The following CDK12 variants were observed in gnomAD, a reference collection of about 807,000 sequenced individuals.
CDK12 encodes the protein cyclin-dependent kinase 12.
Under a neutral mutation model 133.8 loss-of-function variants are expected in CDK12, and 17 were observed. That is an observed-to-expected ratio of 0.13 (90% CI 0.09 to 0.19). CDK12 has a LOEUF of 0.19. Ranked by LOEUF, CDK12 falls within the 10% of genes least tolerant of loss-of-function variation. CDK12 has a pLI of 1.00. For synonymous variants in CDK12, 694 were observed against 683.6 expected, an observed-to-expected ratio of 1.02 and a Z score of -0.24; for missense variants, 1,508 against 1,818.7, an observed-to-expected ratio of 0.83 and a Z score of 3.11.
At chr17:39,534,724 G>A (rs1013228438), downstream of CDK12, 2 of 188,322 alleles carry the variant, frequency 1.1e-5, no homozygotes, top group Admixed American at 6.2e-5. Context: ...GCTTGAAAAC[G>A]CTAGACTAGG....
At position 39,482,015 on chromosome 17, in the gene CDK12, C is replaced by CATTTTTT. The variant is rs773073791; in HGVS notation, c.1932-8542_1932-8541insATTTTTT. 7.1e-4 allele frequency among the ~76,000 whole-genome samples: 68 copies of CATTTTTT among 96,252 alleles called. 11 individuals carry two copies. The East Asian group carries it at 0.018, about 26-fold the overall frequency. 63.1% of individuals were successfully genotyped at this position (96,252 alleles called of 152,430 possible). ...GATTACAGGCATGAGCCTGGCTTGC[C>CATTTTTT]TTTTTTTTTTTTTTTTAACAGAGTT... On this transcript the variant is annotated intron_variant, in intron 2 of 13. Transcript: ENST00000447079.
chr17:39,471,628 C>G lies in CDK12; in HGVS notation c.1796C>G (p.Ala599Gly). The G allele has an allele frequency of 5.0e-6, 8 of 1,614,134 alleles. No homozygotes were observed. The highest frequency in any genetic ancestry group is 5.1e-6 in the Non-Finnish European group (6 of 1,180,028). Residue 599 changes from alanine (A) to glycine (G), a missense_variant, in exon 2 of 14, where the codon GCA (alanine) becomes GGA (glycine). This residue lies in a region of CDK12 where 347 missense variants were observed against 330.8 expected (regional missense o/e 1.05). Transcript: ENST00000447079. ...AAGACATCTGCTGTGTCCTCTCAGG[C>G]AAATTCTCAGCCCCCTGTACAGGTT... is the stretch of plus-strand genomic sequence containing the variant. ...HSKTSAVSSQ[A>G]NSQPPVQVSV... is the part of the protein sequence containing the mutation.
intron 2 of CDK12, among the ~76,000 whole-genome samples, chr17:39,478,573 G>T (rs2050394119): frequency 6.6e-6 from 1 of 152,114 alleles, no homozygotes; most frequent in Non-Finnish European, 1.5e-5. Flanking sequence ...AGGTGCTGTG[G>T]CTCACTCCTA....
chr17:39,496,912 C>CTTTTTTTTTTTTT (rs71147349), intron 5 of CDK12, among the ~76,000 whole-genome samples: 1 of 87,820 alleles, frequency 1.1e-5, no homozygotes, highest in Non-Finnish European at 2.0e-5. Flanking sequence ...TTCAGTATAT[C>CTTTTTTTTTTTTT]TTTTTTTTTT....
rs548907071 is a variant in CDK12 at position 39,461,887 on chromosome 17, C to T, written c.-185C>T. 2.4e-4 allele frequency: 143 copies of T among 601,458 alleles called. No individual in the cohort carries two copies. The East Asian group carries it at 3.4e-3, about 14-fold the overall frequency. 37.3% of individuals were successfully genotyped at this position (601,458 alleles called of 1,614,324 possible). A position where few individuals can be genotyped will look rare whatever the true frequency, so the allele number is the denominator to read the frequency against. On this transcript the variant is annotated 5_prime_UTR_variant, in exon 1 of 14. Coordinates refer to ENST00000447079, the MANE Select transcript of CDK12 (RefSeq NM_016507.4). ...TTTCTTCCCTCGCTCCTTCACCCCC[C>T]ACCTCATGTAGAAGGGTGCTGAGGC...
chr17:39,498,519 G>T (rs574690460), intron 5 of CDK12, among the ~76,000 whole-genome samples: 1 of 151,858 alleles, frequency 6.6e-6, no homozygotes, highest in Non-Finnish European at 1.5e-5. Context: ...CGCCGCGCCC[G>T]GCCATCCTTC....
intron 6 of CDK12, among the ~76,000 whole-genome samples, chr17:39,504,058 C>T (rs141893998): frequency 0.025 from 3,824 of 152,200 alleles, 70 homozygotes; most frequent in South Asian, 0.063. Context: ...GATCTGTAGA[C>T]TTTGGTTGAG....
chr17:39,519,166 G>A (rs2054004269), intron 10 of CDK12, among the ~76,000 whole-genome samples: 1 of 152,024 alleles, frequency 6.6e-6, no homozygotes, highest in South Asian at 2.1e-4. Flanking sequence ...GCCCCACAAA[G>A]TGCTGGGATT....
chr17:39,554,497 C>G (rs540784209), intron 2 of CDK12, among the ~76,000 whole-genome samples: 19 of 152,202 alleles, frequency 1.2e-4, no homozygotes, highest in African/African-American at 4.6e-4. Flanking sequence ...TGAGGTCACA[C>G]CAGGAGAAAG....
At chr17:39,557,324 T>C (rs1317048570) in intron 3 of CDK12, among the ~76,000 whole-genome samples, 1 of 152,164 alleles carries the variant, frequency 6.6e-6, no homozygotes, top group Non-Finnish European at 1.5e-5. Context: ...AGCTGGTCTT[T>C]TTGATCTGGT....
Position 39,555,828 on chromosome 17 carries a change from T to TACAC in CDK12, n.357-404_357-401dup, listed in dbSNP as rs60227908. Among the ~76,000 whole-genome samples, 486 of 108,680 alleles carry TACAC rather than the reference T, an allele frequency of 4.5e-3. 11 individuals carry two copies. The highest frequency in any genetic ancestry group is 0.017 in the African/African-American group (453 of 26,950). 71.3% of individuals were successfully genotyped at this position (108,680 alleles called of 152,430 possible). ...GGGAAACATAGTGAAACCTCATCTC[T>TACAC]ACACACACACACACACACACACACA... On this transcript the variant is annotated intron_variant and non_coding_transcript_variant, in intron 2 of 3. Coordinates refer to the CDK12 transcript ENST00000558240.
intron 2 of CDK12, among the ~76,000 whole-genome samples, chr17:39,482,083 C>T (rs2050762609): frequency 5.0e-5 from 7 of 141,200 alleles, no homozygotes; most frequent in Admixed American, 4.6e-4. Flanking sequence ...TTGTGATCTC[C>T]ACTCACTGCA....
At chr17:39,464,171 T>C (rs2144947925) in intron 1 of CDK12, among the ~76,000 whole-genome samples, 1 of 152,250 alleles carries the variant, frequency 6.6e-6, no homozygotes, top group South Asian at 2.1e-4. Context: ...TGAGTGAGGA[T>C]GTTGAACACT....
chr17:39,530,170 G>A (rs1198679500), intron 13 of CDK12: 11 of 157,564 alleles, frequency 7.0e-5, no homozygotes, highest in Admixed American at 6.7e-4. Flanking sequence ...GTCCATGCAA[G>A]GTCTCTGTTG....
At chr17:39,565,470 C>A (rs760337646), downstream of CDK12, among the ~76,000 whole-genome samples, 4 of 147,714 alleles carry the variant, frequency 2.7e-5, no homozygotes, top group Non-Finnish European at 4.5e-5. Context: ...TTTCGCTCTT[C>A]TTGCCCAGGC....
At chr17:39,481,659 T>TCTCTCC in intron 2 of CDK12, among the ~76,000 whole-genome samples, 1 of 16,740 alleles carries the variant, frequency 6.0e-5, no homozygotes, top group African/African-American at 1.5e-4. Flanking sequence ...TCTCTCTCTC[T>TCTCTCC]CTCTCTCTCT....
intron 10 of CDK12, among the ~76,000 whole-genome samples, chr17:39,518,288 T>A (rs1025390375): frequency 2.0e-5 from 3 of 151,816 alleles, no homozygotes; most frequent in Non-Finnish European, 4.4e-5. Flanking sequence ...CACCTTAGCC[T>A]TCTGAATAGC....
At position 39,462,798 on chromosome 17, in the gene CDK12, G is replaced by T. The variant is rs777654039; in HGVS notation, c.727G>T (p.Gly243Cys). The stretch of plus-strand genomic sequence containing the variant: ...TGATAGCCCCTCGGGAGCTTCTTAT[G>T]GCCAAGATTATGACCTTAGTCCCTC... ...QDDSPSGASYGQDYDLSPSRS... is the reference protein window; with the variant it reads ...QDDSPSGASYCQDYDLSPSRS... Residue 243 changes from glycine to cysteine, a missense_variant, in exon 1 of 14, where the codon GGC (glycine) becomes TGC (cysteine). By Grantham distance (159) the Gly-to-Cys change is radical (BLOSUM62 -3). Transcript: ENST00000447079. 1.9e-6 allele frequency: 3 copies of T among 1,614,174 alleles called. No homozygotes were observed. The highest frequency in any genetic ancestry group is 2.5e-6 in the Non-Finnish European group (3 of 1,180,028).
At chr17:39,539,885 C>T (rs562961021) in intron 1 of CDK12, among the ~76,000 whole-genome samples, 10 of 152,188 alleles carry the variant, frequency 6.6e-5, no homozygotes, top group South Asian at 6.2e-4. Context: ...ATGTTTTGTG[C>T]AGAGGCTGTG....
Sources: gnomAD v4.1 joint callset for allele counts (sites outside exome capture counted in the v4.1 genomes callset) on GRCh38, gnomAD v4.1.1 for gene constraint, gnomAD v4.1.1 regional missense constraint, MANE v1.5 for transcripts, NCBI Gene and HGNC (gene_info 2026-07-23, HGNC 2026-07-21) for gene names.